Variants in TCERG1L observed in about 807,000 individuals in gnomAD.
TCERG1L encodes transcription elongation regulator 1-like protein.
Under a neutral mutation model 56.3 loss-of-function variants are expected in TCERG1L, and 37 were observed. The ratio of observed to expected loss-of-function variants is 0.66; its 90% confidence interval spans 0.51 to 0.87. The LOEUF is 0.87. Among genes scored for constraint, TCERG1L ranks in the 40% least tolerant of loss-of-function variants. TCERG1L has a pLI of 0.00. For missense variants in TCERG1L, 799 were observed against 774.2 expected (o/e 1.03, Z -0.38); for synonymous variants, 324 against 326.3 (o/e 0.99, Z 0.08).
intron 4 of TCERG1L, among the ~76,000 whole-genome samples, chr10:131,226,130 G>A (rs1841343160): frequency 1.3e-5 from 2 of 152,098 alleles, no homozygotes; most frequent in Non-Finnish European, 2.9e-5. Context: ...TTTTAGAGAT[G>A]GAGTGTCACT....
intron 3 of TCERG1L, among the ~76,000 whole-genome samples, chr10:131,307,806 A>C (rs1846831431): frequency 6.6e-6 from 1 of 152,164 alleles, no homozygotes; most frequent in East Asian, 1.9e-4. Flanking sequence ...GAGATCACAC[A>C]TGTTCCTGCG....
chr10:131,178,596 G>A (rs1423317628), intron 4 of TCERG1L, among the ~76,000 whole-genome samples: 2 of 152,118 alleles, frequency 1.3e-5, no homozygotes, highest in Non-Finnish European at 2.9e-5. Context: ...TTGAAAACTG[G>A]GTGTGGAGAC....
intron 3 of TCERG1L, among the ~76,000 whole-genome samples, chr10:131,279,768 C>T (rs551540115): frequency 5.3e-5 from 8 of 152,322 alleles, no homozygotes; most frequent in South Asian, 2.1e-4. Flanking sequence ...GGATGGGAAA[C>T]GCTTCCGGGC....
intron 3 of TCERG1L, among the ~76,000 whole-genome samples, chr10:131,288,730 G>A (rs1589773575): frequency 6.6e-6 from 1 of 152,168 alleles, no homozygotes; most frequent in Non-Finnish European, 1.5e-5. Flanking sequence ...GAGAGGCCAC[G>A]CAGAGACCCA....
At position 131,311,642 on chromosome 10, in the gene TCERG1L, T is replaced by A. The variant is rs1396078743; in HGVS notation, c.-7A>T. Reference sequence around the variant, plus strand: ...ACCTGGCGCCCGCCTGCATCCTACATCCCCGCGCTGACGGCGGCGGCGGGG... The same window carrying A: ...ACCTGGCGCCCGCCTGCATCCTACAACCCCGCGCTGACGGCGGCGGCGGGG... On this transcript the variant is annotated 5_prime_UTR_variant, in exon 1 of 12. An upstream start codon of the reference 5' UTR is lost. Transcript: ENST00000368642. The surrounding 1 kb of genome is among the most constrained non-coding windows in gnomAD (Gnocchi z 4.0). The A allele has an allele frequency of 1.8e-5, 19 of 1,078,928 alleles. No individual in the cohort carries two copies. The Admixed American group carries it at 8.5e-4, about 48-fold the overall frequency. 66.8% of individuals were successfully genotyped at this position (1,078,928 alleles called of 1,614,324 possible).
intron 4 of TCERG1L, among the ~76,000 whole-genome samples, chr10:131,224,971 C>G (rs562449790): frequency 6.6e-6 from 1 of 152,134 alleles, no homozygotes; most frequent in Non-Finnish European, 1.5e-5. Context: ...ACCATCGGCC[C>G]GCAGTGTGGA....
Position 131,260,708 on chromosome 10 carries a change from G to A in TCERG1L, c.671-264C>T, listed in dbSNP as rs1846229453. On this transcript the variant is annotated intron_variant, in intron 3 of 11. Transcript: ENST00000368642. This position sits in a 1 kb window ranked among gnomAD's most constrained non-coding sequence, Gnocchi z 5.8. ...TGAGCTGCAAGGCTTACAGTCACCA[G>A]GGGACGAGCCAGGACCCGGGTGCCT... Among the ~76,000 whole-genome samples the A allele has an allele frequency of 6.6e-6, 1 of 152,186 alleles. No homozygotes were observed. Among genetic ancestry groups the A allele is most frequent in the Admixed American group, 6.5e-5 (1 of 15,284 alleles).
At chr10:131,265,744 TA>T (rs1358949411) in intron 3 of TCERG1L, among the ~76,000 whole-genome samples, 1 of 152,252 alleles carries the variant, frequency 6.6e-6, no homozygotes, top group Non-Finnish European at 1.5e-5. Context: ...AGTTTATTGC[TA>T]AAAAATATTA....
chr10:131,251,338 C>T (rs1846109128), intron 4 of TCERG1L, among the ~76,000 whole-genome samples: 1 of 144,016 alleles, frequency 6.9e-6, no homozygotes, highest in Admixed American at 7.0e-5. Flanking sequence ...CAGCTCAGAA[C>T]AGCCCCTCTC....
intron 4 of TCERG1L, among the ~76,000 whole-genome samples, chr10:131,181,995 T>C (rs1379122859): frequency 6.6e-6 from 1 of 152,228 alleles, no homozygotes; most frequent in African/African-American, 2.4e-5. Flanking sequence ...TCTGTGTGTG[T>C]GCACATAGCA....
chr10:131,148,783 C>T (rs1050044318), intron 6 of TCERG1L, among the ~76,000 whole-genome samples: 6 of 152,222 alleles, frequency 3.9e-5, no homozygotes, highest in African/African-American at 1.4e-4. Flanking sequence ...CTGCCCACAC[C>T]TTGACTTTCG....
At chr10:131,181,923 C>T (rs186477409) in intron 4 of TCERG1L, among the ~76,000 whole-genome samples, 23 of 152,374 alleles carry the variant, frequency 1.5e-4, no homozygotes, top group East Asian at 3.9e-4. Flanking sequence ...CAGCATTGCT[C>T]GTGTTAAGAT....
chr10:131,211,588 C>T (rs966453119), intron 4 of TCERG1L, among the ~76,000 whole-genome samples: 1 of 152,216 alleles, frequency 6.6e-6, no homozygotes, highest in Non-Finnish European at 1.5e-5. Context: ...CCAGTTTCAG[C>T]CAAAGGAGGA....
rs1334528514 is a variant in TCERG1L, at chr10:131,146,500, A to G, written c.1189+6T>C. 6.2e-7 allele frequency: 1 copy of G among 1,605,548 alleles called. No individual in the cohort carries two copies. Among genetic ancestry groups the G allele is most frequent in the Non-Finnish European group, 8.5e-7 (1 of 1,174,388 alleles). ...AGGAGGTGTAAATAACCCAGGGCTT[A>G]GTTACTTGCTGGTGCCTCCAGCTTG... On this transcript the variant is annotated splice_donor_region_variant and intron_variant, in intron 7 of 11. Coordinates refer to ENST00000368642, the MANE Select transcript of TCERG1L (RefSeq NM_174937.4).
intron 3 of TCERG1L, among the ~76,000 whole-genome samples, chr10:131,263,081 G>A (rs1846249351): frequency 6.6e-6 from 1 of 152,066 alleles, no homozygotes; most frequent in East Asian, 1.9e-4. Flanking sequence ...GGATTTTATG[G>A]TAAGAGTGTG....
At chr10:131,195,384 C>G (rs1333533136) in intron 4 of TCERG1L, among the ~76,000 whole-genome samples, 1 of 152,194 alleles carries the variant, frequency 6.6e-6, no homozygotes, top group African/African-American at 2.4e-5. Context: ...AGGCTCGGGG[C>G]CCTGCAAAAC....
chr10:131,302,077 T>A (rs1846767669), intron 3 of TCERG1L, among the ~76,000 whole-genome samples: 2 of 152,088 alleles, frequency 1.3e-5, no homozygotes, highest in Admixed American at 6.5e-5. Flanking sequence ...TTTAAGAACA[T>A]CTTTTCCATA....
intron 9 of TCERG1L, among the ~76,000 whole-genome samples, chr10:131,107,498 G>C (rs1845364439): frequency 6.6e-6 from 1 of 152,144 alleles, no homozygotes; most frequent in Admixed American, 6.5e-5. Flanking sequence ...ACAGTGGCTG[G>C]GACCCGGGAT....
intron 4 of TCERG1L, among the ~76,000 whole-genome samples, chr10:131,206,277 G>A (rs1219030408): frequency 6.6e-6 from 1 of 152,210 alleles, no homozygotes; most frequent in East Asian, 1.9e-4. Context: ...TGGCAGCCTG[G>A]GAGTGGACTC....
Sources: gnomAD v4.1 joint callset for allele counts (sites outside exome capture counted in the v4.1 genomes callset) on GRCh38, gnomAD v4.1.1 for gene constraint, Gnocchi (gnomAD v3.1) non-coding constraint, MANE v1.5 for transcripts, NCBI Gene and HGNC (gene_info 2026-07-23, HGNC 2026-07-21) for gene names.